CNTN5: variants seen among roughly 807,000 people sequenced by gnomAD.
CNTN5 encodes the protein contactin-5.
CNTN5 carries 77 observed loss-of-function variants against 129.1 expected under a neutral mutation model. That is an observed-to-expected ratio of 0.60 (90% confidence interval 0.50 to 0.72). The LOEUF (loss-of-function observed/expected upper bound fraction) is 0.72. CNTN5 is among the 30% of genes least tolerant of loss of function. The pLI, the probability that CNTN5 is intolerant of heterozygous loss-of-function variation, is 0.00. For synonymous variants in CNTN5, 509 were observed against 465.6 expected, an observed-to-expected ratio of 1.09 and a Z score of -1.20; for missense variants, 1,478 against 1,328.8, an observed-to-expected ratio of 1.11 and a Z score of -1.75.
intron 1 of CNTN5, among the ~76,000 whole-genome samples, chr11:99,024,984 AGTT>A (rs1255052292): frequency 6.6e-6 from 1 of 151,988 alleles, no homozygotes; most frequent in Non-Finnish European, 1.5e-5. Context: ...ACGGGTGTAA[AGTT>A]GTTTTTTCTC....
At chr11:99,813,483 A>G (rs961673041) in intron 3 of CNTN5, among the ~76,000 whole-genome samples, 4 of 152,172 alleles carry the variant, frequency 2.6e-5, no homozygotes, top group Non-Finnish European at 5.9e-5. Flanking sequence ...AAGAGAGTAG[A>G]GAGGTTTTTG....
chr11:100,031,035 A>G (rs951190834), intron 9 of CNTN5, among the ~76,000 whole-genome samples: 8 of 152,164 alleles, frequency 5.3e-5, no homozygotes, highest in African/African-American at 1.9e-4. Context: ...GCTCCCCTAC[A>G]CTTTCCACTG....
chr11:99,538,764 C>G (rs1025291148), intron 2 of CNTN5, among the ~76,000 whole-genome samples: 4 of 152,122 alleles, frequency 2.6e-5, no homozygotes, highest in African/African-American at 9.7e-5. Flanking sequence ...TTAAAGTTAA[C>G]TGTTTGCCCA....
At chr11:99,768,398 C>T (rs59753807) in intron 3 of CNTN5, among the ~76,000 whole-genome samples, 2,101 of 152,058 alleles carry the variant, frequency 0.014, 53 homozygotes, top group African/African-American at 0.048. Flanking sequence ...TTATAATACG[C>T]GAAGTATTTA....
Position 100,170,502 on chromosome 11 carries a change from C to T in CNTN5, c.1581-20624C>T, listed in dbSNP as rs1220024386. Among the ~76,000 whole-genome samples the T allele has an allele frequency of 2.0e-5, 3 of 151,984 alleles. No homozygotes were observed. The East Asian group carries it at 5.8e-4, about 29-fold the overall frequency. Reference sequence around the variant, plus strand: ...AACATTTTAACTTATTCTTGATTTCCTCATATACTCTAGTCAACAATGACT... The same window carrying T: ...AACATTTTAACTTATTCTTGATTTCTTCATATACTCTAGTCAACAATGACT... On this transcript the variant is annotated intron_variant, in intron 13 of 24. Coordinates refer to ENST00000524871, the MANE Select transcript of CNTN5 (RefSeq NM_014361.4).
At chr11:99,671,255 G>A (rs1476218496) in intron 3 of CNTN5, among the ~76,000 whole-genome samples, 3 of 151,886 alleles carry the variant, frequency 2.0e-5, no homozygotes, top group African/African-American at 7.3e-5. Context: ...CACAGAGATT[G>A]CGTTTATCTT....
At chr11:99,808,531 C>T (rs968623039) in intron 3 of CNTN5, among the ~76,000 whole-genome samples, 18 of 152,216 alleles carry the variant, frequency 1.2e-4, no homozygotes, top group African/African-American at 4.3e-4. Flanking sequence ...CTGCATGTGC[C>T]TCAGTAACCT....
At chr11:99,265,636 T>G (rs977095773) in intron 1 of CNTN5, among the ~76,000 whole-genome samples, 3 of 152,028 alleles carry the variant, frequency 2.0e-5, no homozygotes, top group Non-Finnish European at 4.4e-5. Flanking sequence ...TAAGTTGTAA[T>G]TTTCAGTAAT....
chr11:100,000,854 G>T (rs571038089), intron 8 of CNTN5, among the ~76,000 whole-genome samples: 7 of 152,260 alleles, frequency 4.6e-5, no homozygotes, highest in African/African-American at 9.6e-5. Flanking sequence ...AAGGCTTGGG[G>T]CTTGCACCTC....
chr11:99,187,562 T>G (rs1858417026), intron 1 of CNTN5, among the ~76,000 whole-genome samples: 1 of 151,922 alleles, frequency 6.6e-6, no homozygotes. Context: ...TACTTCAATT[T>G]TATGTATTCT....
chr11:99,742,037 A>G (rs1943903946), intron 3 of CNTN5, among the ~76,000 whole-genome samples: 2 of 152,176 alleles, frequency 1.3e-5, no homozygotes, highest in South Asian at 2.1e-4. Flanking sequence ...AATCTATAAA[A>G]GAGAAATAGG....
chr11:99,385,366 T>G (rs1362706058), intron 2 of CNTN5, among the ~76,000 whole-genome samples: 1 of 152,130 alleles, frequency 6.6e-6, no homozygotes, highest in East Asian at 1.9e-4. Flanking sequence ...AGCTTGGATT[T>G]GGTGATTTGG....
intron 21 of CNTN5, among the ~76,000 whole-genome samples, chr11:100,310,232 C>T (rs1033338002): frequency 7.2e-5 from 11 of 151,990 alleles, no homozygotes; most frequent in Non-Finnish European, 1.5e-4. Flanking sequence ...GTGTGCATAC[C>T]TTTCAGAAAG....
At chr11:99,611,991 C>T (rs750970142) in intron 3 of CNTN5, among the ~76,000 whole-genome samples, 38 of 152,126 alleles carry the variant, frequency 2.5e-4, no homozygotes, top group Non-Finnish European at 4.4e-4. Context: ...GTCATCCATA[C>T]TCATGATTGC....
chr11:100,137,104 T>TAAAG (rs1339554808), intron 13 of CNTN5, among the ~76,000 whole-genome samples: 1 of 152,022 alleles, frequency 6.6e-6, no homozygotes, highest in Non-Finnish European at 1.5e-5. Flanking sequence ...AGATTTAAGG[T>TAAAG]AAAGACAAGG....
At chr11:100,213,129 G>A (rs1463000736) in intron 15 of CNTN5, among the ~76,000 whole-genome samples, 1 of 152,078 alleles carries the variant, frequency 6.6e-6, no homozygotes, top group African/African-American at 2.4e-5. Flanking sequence ...CATTCTCTCT[G>A]TATAATAGAT....
intron 15 of CNTN5, among the ~76,000 whole-genome samples, chr11:100,193,976 G>T (rs1302044420): frequency 6.6e-6 from 1 of 151,792 alleles, no homozygotes; most frequent in African/African-American, 2.4e-5. Flanking sequence ...ATTATTTAAA[G>T]CATCGTTAAC....
At chr11:100,207,366 G>A (rs1461034175) in intron 15 of CNTN5, among the ~76,000 whole-genome samples, 1 of 151,952 alleles carries the variant, frequency 6.6e-6, no homozygotes, top group East Asian at 1.9e-4. Flanking sequence ...GATAATTTTT[G>A]AATTACCTTA....
chr11:99,325,247 A>G (rs1362138862), intron 1 of CNTN5, 99 bp from the exon 2 acceptor site: 2 of 152,096 alleles, frequency 1.3e-5, no homozygotes, highest in Non-Finnish European at 2.9e-5. Flanking sequence ...TAAATAGAAC[A>G]TTGATCTAAA....
Sources: gnomAD v4.1 joint callset for allele counts (sites outside exome capture counted in the v4.1 genomes callset) on GRCh38, gnomAD v4.1.1 for gene constraint, MANE v1.5 for transcripts, NCBI Gene and HGNC (gene_info 2026-07-23, HGNC 2026-07-21) for gene names.